GPC6: variants seen among roughly 807,000 people sequenced by gnomAD.
GPC6 encodes the protein glypican-6.
GPC6 carries 14 observed loss-of-function variants against 55.2 expected under a neutral mutation model. That is an observed-to-expected ratio of 0.25 (90% CI 0.17 to 0.40). GPC6 has a LOEUF of 0.40. GPC6 is among the 10% of genes least tolerant of loss of function. The probability of loss-of-function intolerance (pLI) is 1.00; values close to 1 mark genes in which losing one functional copy is unlikely to be tolerated. For synonymous variants in GPC6, 278 were observed against 259.6 expected (o/e 1.07, Z -0.68); for missense variants, 641 against 708.5 (o/e 0.90, Z 1.08).
At chr13:93,935,755 G>A (rs1250044885) in intron 3 of GPC6, among the ~76,000 whole-genome samples, 3 of 152,122 alleles carry the variant, frequency 2.0e-5, no homozygotes, top group Admixed American at 2.0e-4. Flanking sequence ...ACATATATAA[G>A]AAGAATTACA....
At chr13:94,391,045 G>A (rs1594235123) in intron 7 of GPC6, among the ~76,000 whole-genome samples, 1 of 152,244 alleles carries the variant, frequency 6.6e-6, no homozygotes, top group East Asian at 1.9e-4. Flanking sequence ...AATGGGTTTG[G>A]GGAGTTCCTG....
intron 2 of GPC6, among the ~76,000 whole-genome samples, chr13:93,697,580 T>A (rs1363808239): frequency 6.6e-6 from 1 of 152,192 alleles, no homozygotes; most frequent in Non-Finnish European, 1.5e-5. Context: ...CACAAATATA[T>A]GTTAGACAAC....
intron 4 of GPC6, among the ~76,000 whole-genome samples, chr13:94,133,286 A>AC (rs1887067955): frequency 6.6e-6 from 1 of 151,354 alleles, no homozygotes; most frequent in Non-Finnish European, 1.5e-5. Flanking sequence ...AAAAAAAAAA[A>AC]AAAAAACCTT....
At chr13:93,429,204 T>A (rs1877262619) in intron 1 of GPC6, among the ~76,000 whole-genome samples, 1 of 152,154 alleles carries the variant, frequency 6.6e-6, no homozygotes, top group Non-Finnish European at 1.5e-5. Flanking sequence ...TTCCGCTTAC[T>A]TTAATAGGCT....
Position 93,227,275 on chromosome 13 carries a change from A to G in GPC6, c.-182A>G. On this transcript the variant is annotated 5_prime_UTR_variant, in exon 1 of 9. Transcript: ENST00000377047. This position sits in a 1 kb window ranked among gnomAD's most constrained non-coding sequence, Gnocchi z 4.3. Reference sequence around the variant, plus strand: ...TGGCTTGCCATCGTCCATCTGGCTTATAAAAGTTTGCTGAGCGCAGTCCAG... The same window carrying G: ...TGGCTTGCCATCGTCCATCTGGCTTGTAAAAGTTTGCTGAGCGCAGTCCAG... 2 of 543,170 alleles carry G rather than the reference A, an allele frequency of 3.7e-6. No homozygotes were observed. The highest frequency in any genetic ancestry group is 6.5e-6 in the Non-Finnish European group (2 of 306,326). The allele number at this position is 543,170 out of a possible 1,614,324, so 33.6% of individuals were successfully genotyped here. A position where few individuals can be genotyped will look rare whatever the true frequency, so the allele number is the denominator to read the frequency against.
intron 2 of GPC6, among the ~76,000 whole-genome samples, chr13:93,814,207 C>G (rs1402285360): frequency 6.6e-6 from 1 of 152,082 alleles, no homozygotes; most frequent in African/African-American, 2.4e-5. Context: ...TCCTTCACTT[C>G]TTATTTATAC....
At chr13:93,248,743 G>A (rs565119235) in intron 1 of GPC6, among the ~76,000 whole-genome samples, 6 of 152,164 alleles carry the variant, frequency 3.9e-5, no homozygotes, top group Non-Finnish European at 8.8e-5. Context: ...GCTGCACAGC[G>A]CCAGCCTGTA....
At chr13:93,887,222 T>C (rs141432480) in intron 3 of GPC6, among the ~76,000 whole-genome samples, 51 of 152,130 alleles carry the variant, frequency 3.4e-4, no homozygotes, top group Non-Finnish European at 6.2e-4. Flanking sequence ...ATTTTTAACA[T>C]AGCAATAAAA....
chr13:93,231,385 A>ATATATATG (rs1876035525), intron 1 of GPC6, among the ~76,000 whole-genome samples: 2 of 21,872 alleles, frequency 9.1e-5, no homozygotes, highest in East Asian at 1.6e-3. Context: ...ATATACATAT[A>ATATATATG]TATATATATA....
chr13:93,230,504 A>G (rs1417960399), intron 1 of GPC6, among the ~76,000 whole-genome samples: 1 of 152,174 alleles, frequency 6.6e-6, no homozygotes, highest in African/African-American at 2.4e-5. Context: ...CCTTGTTTGA[A>G]AAACTTCCAA....
intron 3 of GPC6, among the ~76,000 whole-genome samples, chr13:94,003,593 A>ATC: frequency 1.3e-5 from 2 of 152,210 alleles, no homozygotes; most frequent in Non-Finnish European, 2.9e-5. Flanking sequence ...TGATTAGCTT[A>ATC]TGCTTGTTAG....
chr13:94,093,333 T>G (rs1594730449), intron 4 of GPC6, among the ~76,000 whole-genome samples: 1 of 152,122 alleles, frequency 6.6e-6, no homozygotes, highest in African/African-American at 2.4e-5. Context: ...GGATATCTAG[T>G]TTTTCTAGCA....
chr13:93,581,442 C>T (rs1594285417), intron 2 of GPC6, among the ~76,000 whole-genome samples: 1 of 152,194 alleles, frequency 6.6e-6, no homozygotes, highest in African/African-American at 2.4e-5. Context: ...GGTATTGTGG[C>T]TCATGCCCTA....
chr13:94,397,242 G>A (rs566061543), intron 7 of GPC6, among the ~76,000 whole-genome samples: 1 of 152,086 alleles, frequency 6.6e-6, no homozygotes, highest in South Asian at 2.1e-4. Flanking sequence ...GAAAATAGAA[G>A]CAAGCATAAG....
intron 2 of GPC6, among the ~76,000 whole-genome samples, chr13:93,731,002 A>G (rs1883801079): frequency 6.6e-6 from 1 of 152,188 alleles, no homozygotes; most frequent in African/African-American, 2.4e-5. Flanking sequence ...AGATCAGGAC[A>G]AAAATGAAAG....
At chr13:94,169,705 C>T (rs1411876414) in intron 4 of GPC6, among the ~76,000 whole-genome samples, 1 of 151,908 alleles carries the variant, frequency 6.6e-6, no homozygotes, top group Non-Finnish European at 1.5e-5. Context: ...AGAAACATGC[C>T]ATTGGGAGAG....
intron 6 of GPC6, among the ~76,000 whole-genome samples, chr13:94,327,292 G>C (rs1877172911): frequency 1.3e-5 from 2 of 152,168 alleles, no homozygotes; most frequent in Non-Finnish European, 2.9e-5. Flanking sequence ...GGGGCTTGGA[G>C]ACTTGGAATT....
chr13:93,724,891 A>G (rs1408805553), intron 2 of GPC6, among the ~76,000 whole-genome samples: 1 of 152,052 alleles, frequency 6.6e-6, no homozygotes, highest in Non-Finnish European at 1.5e-5. Context: ...GAACGATTTT[A>G]TCATCTTCTC....
intron 3 of GPC6, among the ~76,000 whole-genome samples, chr13:93,924,088 T>G (rs1233991732): frequency 2.6e-5 from 4 of 152,248 alleles, no homozygotes; most frequent in African/African-American, 9.6e-5. Flanking sequence ...CATTGCTGAT[T>G]AGTCTACTGG....
Sources: gnomAD v4.1 joint callset for allele counts (sites outside exome capture counted in the v4.1 genomes callset) on GRCh38, gnomAD v4.1.1 for gene constraint, Gnocchi (gnomAD v3.1) non-coding constraint, MANE v1.5 for transcripts, NCBI Gene and HGNC (gene_info 2026-07-23, HGNC 2026-07-21) for gene names.